The following GUCY1A2 variants were observed in gnomAD, a reference collection of about 807,000 sequenced individuals.
GUCY1A2 encodes guanylate cyclase soluble subunit alpha-2.
A neutral mutation model predicts 63.5 loss-of-function variants in GUCY1A2; 27 were observed. That is an observed-to-expected ratio of 0.43 (90% confidence interval 0.31 to 0.59). The LOEUF is 0.59. Ranked by LOEUF, GUCY1A2 falls within the 20% of genes least tolerant of loss-of-function variation. The pLI is 0.11. For synonymous variants in GUCY1A2, 364 were observed against 343.5 expected (o/e 1.06, Z -0.66); for missense variants, 768 against 913.3 (o/e 0.84, Z 2.05).
At chr11:106,821,802 A>T (rs1200642165) in intron 4 of GUCY1A2, among the ~76,000 whole-genome samples, 2 of 152,150 alleles carry the variant, frequency 1.3e-5, no homozygotes, top group East Asian at 3.9e-4. Flanking sequence ...AAAGACTAAC[A>T]TCCAATTATT....
At chr11:106,829,671 GA>G (rs1859024611) in intron 4 of GUCY1A2, among the ~76,000 whole-genome samples, 1 of 152,150 alleles carries the variant, frequency 6.6e-6, no homozygotes, top group South Asian at 2.1e-4. Flanking sequence ...GTAAGTTAGG[GA>G]GGCTAAGAAG....
At chr11:106,982,658 C>A (rs368651896) in intron 2 of GUCY1A2, among the ~76,000 whole-genome samples, 16 of 152,092 alleles carry the variant, frequency 1.1e-4, no homozygotes, top group Admixed American at 4.6e-4. Context: ...TGAACAGAGA[C>A]CTATATGTAT....
intron 4 of GUCY1A2, among the ~76,000 whole-genome samples, chr11:106,910,383 T>C (rs1043791961): frequency 6.6e-6 from 1 of 152,038 alleles, no homozygotes; most frequent in Admixed American, 6.6e-5. Flanking sequence ...AAATTGTTTA[T>C]ATATATAATA....
At position 106,683,280 on chromosome 11, in the gene GUCY1A2, C is replaced by T. The variant is rs758670361; in HGVS notation, c.*4269G>A. On this transcript the variant is annotated 3_prime_UTR_variant, in exon 8 of 8. Coordinates refer to ENST00000526355, the MANE Select transcript of GUCY1A2 (RefSeq NM_000855.3). ...TCTAATAGTAGAAAAAACTAAGCTA[C>T]GATATAGGGCTTGGTTCTTGAACTT... 7 of 218,922 alleles carry T rather than the reference C, an allele frequency of 3.2e-5. No homozygotes were observed. Among genetic ancestry groups the T allele is most frequent in the East Asian group, 6.7e-5 (1 of 15,030 alleles). The allele number at this position is 218,922 out of a possible 1,614,324, so 13.6% of individuals were successfully genotyped here. A position where few individuals can be genotyped will look rare whatever the true frequency, so the allele number is the denominator to read the frequency against.
chr11:106,760,528 C>T (rs1864048377), intron 6 of GUCY1A2, among the ~76,000 whole-genome samples: 1 of 152,088 alleles, frequency 6.6e-6, no homozygotes, highest in African/African-American at 2.4e-5. Context: ...GTATTTACAA[C>T]TTGATATTTG....
intron 3 of GUCY1A2, among the ~76,000 whole-genome samples, chr11:106,953,832 G>A (rs1014818090): frequency 6.6e-6 from 1 of 152,122 alleles, no homozygotes; most frequent in African/African-American, 2.4e-5. Context: ...AGTATTCTCT[G>A]ATGGTAGTTT....
At chr11:106,827,922 C>G in intron 4 of GUCY1A2, 1 of 1,319,480 alleles carries the variant, frequency 7.6e-7, no homozygotes, top group Non-Finnish European at 1.1e-6. Context: ...TACTGAATAT[C>G]GCGGCGGAAC....
rs1862348209 is a variant in GUCY1A2, at chr11:106,676,470, G to A, written c.*11079C>T. The A allele has an allele frequency of 5.4e-6, 1 of 186,334 alleles. No homozygotes were observed. Among genetic ancestry groups the A allele is most frequent in the Non-Finnish European group, 1.1e-5 (1 of 88,206 alleles). The allele number at this position is 186,334 out of a possible 1,614,324, so 11.5% of individuals were successfully genotyped here. ...GCTAAAAACAGCTATCTGAATATAG[G>A]TTTAAAACCTCAAAGACACAGAGCT... On this transcript the variant is annotated 3_prime_UTR_variant, in exon 8 of 8. Transcript: ENST00000526355.
At chr11:106,709,509 T>TTTATATATATAATAATATA in intron 6 of GUCY1A2, among the ~76,000 whole-genome samples, 1 of 21,262 alleles carries the variant, frequency 4.7e-5, no homozygotes, top group African/African-American at 6.1e-4. Context: ...ATAATATATA[T>TTTATATATATAATAATATA]TATTCTATAA....
intron 3 of GUCY1A2, among the ~76,000 whole-genome samples, chr11:106,977,052 C>T (rs989430883): frequency 1.3e-5 from 2 of 152,168 alleles, no homozygotes; most frequent in African/African-American, 2.4e-5. Context: ...CTCCTATTCC[C>T]TCTAACTCAG....
chr11:106,970,135 A>C (rs1861175378), intron 3 of GUCY1A2, among the ~76,000 whole-genome samples: 1 of 152,186 alleles, frequency 6.6e-6, no homozygotes, highest in Non-Finnish European at 1.5e-5. Context: ...AACTCAGGCA[A>C]GCTGGGGGTT....
intron 4 of GUCY1A2, among the ~76,000 whole-genome samples, chr11:106,848,711 C>G (rs1432882539): frequency 6.6e-6 from 1 of 151,558 alleles, no homozygotes; most frequent in East Asian, 1.9e-4. Flanking sequence ...AAAAGAATAG[C>G]TCCAAAAATG....
chr11:106,777,700 G>A (rs950507925), intron 5 of GUCY1A2, among the ~76,000 whole-genome samples: 2 of 121,010 alleles, frequency 1.7e-5, no homozygotes, highest in African/African-American at 3.1e-5. Flanking sequence ...GGCTAGGGGT[G>A]GGATAGCATT....
chr11:106,906,794 A>G (rs1565327493), intron 4 of GUCY1A2, among the ~76,000 whole-genome samples: 2 of 152,176 alleles, frequency 1.3e-5, no homozygotes, highest in African/African-American at 4.8e-5. Context: ...AGGGACATGG[A>G]TGAAGCTGGA....
chr11:107,003,444 T>G (rs566338687), intron 1 of GUCY1A2, among the ~76,000 whole-genome samples: 2 of 152,226 alleles, frequency 1.3e-5, no homozygotes, highest in South Asian at 4.2e-4. Flanking sequence ...TCCCCCTAAT[T>G]CTCCGTTGTT....
chr11:106,804,763 C>G (rs1858657562), intron 5 of GUCY1A2, among the ~76,000 whole-genome samples: 1 of 152,222 alleles, frequency 6.6e-6, no homozygotes, highest in African/African-American at 2.4e-5. Context: ...ACACTGTAGA[C>G]TTGTCCTGTG....
chr11:106,870,167 A>G (rs1290940382), intron 4 of GUCY1A2, among the ~76,000 whole-genome samples: 1 of 151,752 alleles, frequency 6.6e-6, no homozygotes, highest in Non-Finnish European at 1.5e-5. Context: ...TGACGAGTTA[A>G]TGGGTGTTGC....
intron 6 of GUCY1A2, among the ~76,000 whole-genome samples, chr11:106,717,221 G>A (rs1591245469): frequency 2.0e-5 from 3 of 152,286 alleles, no homozygotes; most frequent in South Asian, 4.1e-4. Context: ...AGCTACCTCT[G>A]TGAAGTTTTC....
At chr11:106,800,295 G>A (rs1351654574) in intron 5 of GUCY1A2, among the ~76,000 whole-genome samples, 2 of 152,198 alleles carry the variant, frequency 1.3e-5, no homozygotes, top group Admixed American at 6.5e-5. Flanking sequence ...TGGTGGGACT[G>A]TAAACTAGTT....
Sources: gnomAD v4.1 joint callset for allele counts (sites outside exome capture counted in the v4.1 genomes callset) on GRCh38, gnomAD v4.1.1 for gene constraint, MANE v1.5 for transcripts, NCBI Gene and HGNC (gene_info 2026-07-23, HGNC 2026-07-21) for gene names.